Variants in PLCL1 observed in about 807,000 individuals in gnomAD.
The protein encoded by PLCL1 is phospholipase C like 1 (inactive).
Under a neutral mutation model 84.4 loss-of-function variants are expected in PLCL1, and 41 were observed. That is an observed-to-expected ratio of 0.49 (90% confidence interval 0.38 to 0.63). The LOEUF is 0.63. Ranked by LOEUF, PLCL1 falls within the 30% of genes least tolerant of loss-of-function variation. The probability of loss-of-function intolerance (pLI) is 0.00; values close to 1 mark genes in which losing one functional copy is unlikely to be tolerated. For synonymous variants in PLCL1, 490 were observed against 488.3 expected, an observed-to-expected ratio of 1.00 and a Z score of -0.05; for missense variants, 1,206 against 1,367.8, an observed-to-expected ratio of 0.88 and a Z score of 1.87.
chr2:198,033,440 A>C (rs1272632912), intron 1 of PLCL1, among the ~76,000 whole-genome samples: 1 of 152,208 alleles, frequency 6.6e-6, no homozygotes, highest in Non-Finnish European at 1.5e-5. Flanking sequence ...TGAGGGTACC[A>C]TGAAGACGGA....
At chr2:197,912,606 A>C (rs1301934539) in intron 1 of PLCL1, among the ~76,000 whole-genome samples, 3 of 149,850 alleles carry the variant, frequency 2.0e-5, no homozygotes, top group African/African-American at 7.3e-5. Flanking sequence ...ATGGAATACT[A>C]TGCAGCCTTA....
chr2:198,061,410 C>G (rs527922408), intron 1 of PLCL1, among the ~76,000 whole-genome samples: 4 of 152,056 alleles, frequency 2.6e-5, no homozygotes, highest in Admixed American at 6.5e-5. Context: ...GTTAACCGTT[C>G]GAATCCTCTT....
chr2:198,135,838 G>C (rs1694244146), intron 5 of PLCL1, among the ~76,000 whole-genome samples: 1 of 152,156 alleles, frequency 6.6e-6, no homozygotes, highest in African/African-American at 2.4e-5. Flanking sequence ...TTCTCTGCTG[G>C]CTTAAATGAA....
chr2:197,893,456 A>G (rs1318352176), intron 1 of PLCL1, among the ~76,000 whole-genome samples: 1 of 152,230 alleles, frequency 6.6e-6, no homozygotes, highest in Non-Finnish European at 1.5e-5. Context: ...GGAGTATACA[A>G]CTTTTACATT....
chr2:197,937,186 T>C (rs561589409), intron 1 of PLCL1, among the ~76,000 whole-genome samples: 32 of 152,200 alleles, frequency 2.1e-4, no homozygotes, highest in Admixed American at 4.6e-4. Context: ...CTACTGTTGC[T>C]TTTAGGATGT....
chr2:197,890,701 T>TATATATATATATATATATATACACAC (rs11270566), intron 1 of PLCL1, among the ~76,000 whole-genome samples: 4 of 118,542 alleles, frequency 3.4e-5, no homozygotes, highest in African/African-American at 1.1e-4. Flanking sequence ...TATATATATA[T>TATATATATATATATATATATACACAC]ACACACACAC....
intron 1 of PLCL1, among the ~76,000 whole-genome samples, chr2:197,978,406 G>A (rs762443115): frequency 1.5e-4 from 23 of 152,286 alleles, no homozygotes; most frequent in Admixed American, 3.9e-4. Context: ...GAACCCGGGA[G>A]GCAGAGCTTG....
At chr2:197,892,301 C>G (rs1688046896) in intron 1 of PLCL1, among the ~76,000 whole-genome samples, 1 of 152,200 alleles carries the variant, frequency 6.6e-6, no homozygotes, top group Non-Finnish European at 1.5e-5. Flanking sequence ...CCAAAGGAAA[C>G]AGTAATGCTG....
At chr2:197,843,994 A>G (rs1687069188) in intron 1 of PLCL1, among the ~76,000 whole-genome samples, 1 of 152,166 alleles carries the variant, frequency 6.6e-6, no homozygotes, top group South Asian at 2.1e-4. Context: ...ATTTTGTCAC[A>G]TATCAAGTTT....
chr2:197,805,539 C>T lies in PLCL1; in HGVS notation c.240+200C>T, dbSNP rs958674718. On this transcript the variant is annotated intron_variant, in intron 1 of 5. Transcript: ENST00000428675. This position sits in a 1 kb window ranked among gnomAD's most constrained non-coding sequence, Gnocchi z 4.0. ...CGAGACGCACAAGTGACTTTTTCTC[C>T]CCACTGACGGCAGAGGAAAAGTTCC... 3.3e-5 allele frequency among the ~76,000 whole-genome samples: 5 copies of T among 152,160 alleles called. No homozygotes were observed. The highest frequency in any genetic ancestry group is 1.3e-4 in the Admixed American group (2 of 15,280).
chr2:198,024,057 C>G (rs1691204739), intron 1 of PLCL1, among the ~76,000 whole-genome samples: 1 of 152,090 alleles, frequency 6.6e-6, no homozygotes, highest in Non-Finnish European at 1.5e-5. Context: ...CCATGGAATA[C>G]TATGCAGCCA....
chr2:198,085,015 C>T lies in PLCL1; in HGVS notation c.1498C>T (p.Gln500Ter). 6.2e-7 allele frequency: 1 copy of T among 1,614,002 alleles called. No homozygotes were observed. The highest frequency in any genetic ancestry group is 8.5e-7 in the Non-Finnish European group (1 of 1,179,978). ...CLGNHCSLPQ[Q>*]KVMAQQMKKV... is the part of the protein sequence containing the mutation. ...GGGAAATCACTGCTCCTTGCCGCAG[C>T]AGAAGGTAATGGCTCAACAGATGAA... The change falls in exon 2 of 6, where the codon CAG becomes TAG. Residue 500 changes from glutamine (Q) to a stop codon, truncating the protein, a stop_gained. Coordinates refer to ENST00000428675, the MANE Select transcript of PLCL1 (RefSeq NM_006226.4). LOFTEE classifies it high-confidence loss of function. This position sits in a 1 kb window ranked among gnomAD's most constrained non-coding sequence, Gnocchi z 5.3.
chr2:197,868,126 T>C, intron 1 of PLCL1, among the ~76,000 whole-genome samples: 1 of 152,204 alleles, frequency 6.6e-6, no homozygotes, highest in East Asian at 1.9e-4. Context: ...CTATTATAAC[T>C]GCTGGAAGTT....
chr2:197,872,618 G>A (rs1485190551), intron 1 of PLCL1, among the ~76,000 whole-genome samples: 1 of 152,066 alleles, frequency 6.6e-6, no homozygotes, highest in Non-Finnish European at 1.5e-5. Flanking sequence ...GATGAATGGG[G>A]GCAATGATGA....
intron 3 of PLCL1, among the ~76,000 whole-genome samples, chr2:198,098,742 C>G (rs978881216): frequency 2.6e-5 from 4 of 152,130 alleles, no homozygotes; most frequent in African/African-American, 9.7e-5. Context: ...TAAATAATTA[C>G]ATTGACTTTG....
intron 1 of PLCL1, among the ~76,000 whole-genome samples, chr2:197,880,645 C>T (rs1419305053): frequency 1.3e-5 from 2 of 152,092 alleles, no homozygotes; most frequent in African/African-American, 2.4e-5. Context: ...TCTAGCACAT[C>T]TAGAGTCTAG....
At chr2:197,839,346 A>G (rs936668231) in intron 1 of PLCL1, among the ~76,000 whole-genome samples, 3 of 152,144 alleles carry the variant, frequency 2.0e-5, no homozygotes, top group African/African-American at 7.2e-5. Flanking sequence ...ATGGAAGACT[A>G]TTTTTCCAAG....
At chr2:198,131,923 C>A (rs4850821) in intron 5 of PLCL1, among the ~76,000 whole-genome samples, 46,363 of 151,816 alleles carry the variant, frequency 0.31, 8,083 homozygotes, top group East Asian at 0.54. Flanking sequence ...GAATCTCAGG[C>A]TAGAAGATCC....
intron 1 of PLCL1, among the ~76,000 whole-genome samples, chr2:197,837,181 C>T (rs1691210377): frequency 6.6e-6 from 1 of 152,018 alleles, no homozygotes; most frequent in Non-Finnish European, 1.5e-5. Flanking sequence ...AGACTAATGA[C>T]GAGTTAGGCT....
Sources: gnomAD v4.1 joint callset for allele counts (sites outside exome capture counted in the v4.1 genomes callset) on GRCh38, gnomAD v4.1.1 for gene constraint, Gnocchi (gnomAD v3.1) non-coding constraint, MANE v1.5 for transcripts, NCBI Gene and HGNC (gene_info 2026-07-23, HGNC 2026-07-21) for gene names.